PITPNC1: variants seen among roughly 807,000 people sequenced by gnomAD.
The protein encoded by PITPNC1 is phosphatidylinositol transfer protein cytoplasmic 1.
A neutral mutation model predicts 44.7 loss-of-function variants in PITPNC1; 18 were observed. The observed-to-expected ratio is 0.40, with a 90% CI of 0.28 to 0.60. The LOEUF is 0.60. Ranked by LOEUF, PITPNC1 falls within the 20% of genes least tolerant of loss-of-function variation. The pLI is 0.39. For synonymous variants in PITPNC1, 141 were observed against 149.6 expected (o/e 0.94, Z 0.42); for missense variants, 290 against 418.4 (o/e 0.69, Z 2.68).
At chr17:67,475,278 T>C (rs773565906) in intron 1 of PITPNC1, among the ~76,000 whole-genome samples, 18 of 152,200 alleles carry the variant, frequency 1.2e-4, no homozygotes, top group South Asian at 2.1e-4. Context: ...GTTATCACAG[T>C]TGGGGACACA....
intron 1 of PITPNC1, chr17:67,471,558 T>G: frequency 2.6e-6 from 1 of 383,548 alleles, no homozygotes; most frequent in Non-Finnish European, 5.0e-6. Flanking sequence ...CCACAATTAC[T>G]TTTGCACCAA....
chr17:67,459,134 T>TG (rs2039300110), intron 1 of PITPNC1, among the ~76,000 whole-genome samples: 1 of 144,638 alleles, frequency 6.9e-6, no homozygotes, highest in African/African-American at 2.6e-5. Flanking sequence ...TTTTTTTTTT[T>TG]GAGACTGAGT....
At chr17:67,457,040 A>C in intron 1 of PITPNC1, 1 of 151,800 alleles carries the variant, frequency 6.6e-6, no homozygotes, top group Non-Finnish European at 1.5e-5. Context: ...GGGTCTCACT[A>C]TGTTGGCCAG....
intron 1 of PITPNC1, among the ~76,000 whole-genome samples, chr17:67,419,499 A>G (rs1356974531): frequency 6.6e-6 from 1 of 152,108 alleles, no homozygotes; most frequent in Admixed American, 6.6e-5. Flanking sequence ...CGTCTTCCCT[A>G]CCTACTTGGG....
chr17:67,472,820 C>G (rs9902184), intron 1 of PITPNC1, among the ~76,000 whole-genome samples: 73,487 of 151,674 alleles, frequency 0.48, 19,771 homozygotes, highest in African/African-American at 0.72. Flanking sequence ...CTGCCTCCTA[C>G]AGGGAGGGGT....
chr17:67,499,202 C>A (rs372057697), intron 1 of PITPNC1, among the ~76,000 whole-genome samples: 1 of 151,190 alleles, frequency 6.6e-6, no homozygotes, highest in Non-Finnish European at 1.5e-5. Context: ...AATATCTATT[C>A]AAGTCCTTTG....
chr17:67,433,669 C>T (rs1044862091), intron 1 of PITPNC1, among the ~76,000 whole-genome samples: 6 of 152,040 alleles, frequency 3.9e-5, no homozygotes, highest in Non-Finnish European at 5.9e-5. Context: ...TATGATTGTG[C>T]CACTGTGCTA....
intron 8 of PITPNC1, among the ~76,000 whole-genome samples, chr17:67,682,900 G>A (rs936470810): frequency 2.6e-5 from 4 of 152,078 alleles, no homozygotes; most frequent in Non-Finnish European, 4.4e-5. Flanking sequence ...GGTGGCTCAC[G>A]CCTGTAATCC....
chr17:67,403,959 T>C (rs758797182), intron 1 of PITPNC1, among the ~76,000 whole-genome samples: 1 of 152,050 alleles, frequency 6.6e-6, no homozygotes, highest in Non-Finnish European at 1.5e-5. Flanking sequence ...GAGGTGGAGG[T>C]TGCAGTGAGC....
intron 5 of PITPNC1, among the ~76,000 whole-genome samples, chr17:67,615,786 C>T (rs149923349): frequency 1.2e-3 from 177 of 152,232 alleles, no homozygotes; most frequent in African/African-American, 4.1e-3. Context: ...TTTTTAAGCT[C>T]AGCTTCTGAG....
At chr17:67,604,850 C>A (rs867198948) in intron 5 of PITPNC1, among the ~76,000 whole-genome samples, 2 of 152,004 alleles carry the variant, frequency 1.3e-5, no homozygotes, top group Non-Finnish European at 2.9e-5. Flanking sequence ...GAGGCTGAGG[C>A]GGACGGATCA....
At chr17:67,512,137 T>C (rs1284498280) in intron 1 of PITPNC1, among the ~76,000 whole-genome samples, 3 of 152,180 alleles carry the variant, frequency 2.0e-5, no homozygotes, top group Non-Finnish European at 2.9e-5. Context: ...AAGATCCACG[T>C]TGACTCCCAA....
chr17:67,380,404 A>G (rs1464808353), intron 1 of PITPNC1, among the ~76,000 whole-genome samples: 1 of 152,138 alleles, frequency 6.6e-6, no homozygotes, highest in African/African-American at 2.4e-5. Flanking sequence ...GGCCAACAAA[A>G]TCAGACTCAT....
intron 1 of PITPNC1, among the ~76,000 whole-genome samples, chr17:67,529,391 G>A (rs138172619): frequency 4.1e-3 from 630 of 152,330 alleles, no homozygotes; most frequent in Non-Finnish European, 6.6e-3. Flanking sequence ...CCTTACCGAG[G>A]TCCTGGGCAG....
At chr17:67,520,762 G>A (rs2949927) in intron 1 of PITPNC1, among the ~76,000 whole-genome samples, 3,547 of 152,264 alleles carry the variant, frequency 0.023, 49 homozygotes, top group Non-Finnish European at 0.035. Flanking sequence ...TTCGAGTTGA[G>A]TTCTGGCAGT....
intron 1 of PITPNC1, among the ~76,000 whole-genome samples, chr17:67,422,177 G>GTTT (rs2038680382): frequency 1.3e-5 from 2 of 152,156 alleles, no homozygotes; most frequent in African/African-American, 4.8e-5. Context: ...GAGGGGCAGA[G>GTTT]GGAAAAACAA....
Position 67,589,997 on chromosome 17 carries a change from G to GAAA in PITPNC1, c.366+11746_366+11748dup, listed in dbSNP as rs200306467. Among the ~76,000 whole-genome samples, 5 of 151,366 alleles carry GAAA rather than the reference G, an allele frequency of 3.3e-5. No individual in the cohort carries two copies. The East Asian group carries it at 9.7e-4, about 29-fold the overall frequency. ...GGAAAGGAAAGGAAAGGAAGAACAG[G>GAAA]AAAAAAAAGACATGCAGAGAGGACA... is the stretch of plus-strand genomic sequence containing the variant. On this transcript the variant is annotated intron_variant, in intron 5 of 8. Coordinates refer to ENST00000581322, the MANE Select transcript of PITPNC1 (RefSeq NM_012417.4).
intron 4 of PITPNC1, among the ~76,000 whole-genome samples, chr17:67,557,774 C>T (rs1166021814): frequency 6.6e-6 from 1 of 152,236 alleles, no homozygotes; most frequent in Non-Finnish European, 1.5e-5. Flanking sequence ...CAGATGCTTT[C>T]AGTTGCCTTA....
At chr17:67,675,617 C>G in intron 8 of PITPNC1, 75 bp downstream of exon 8, 1 of 981,530 alleles carries the variant, frequency 1.0e-6, no homozygotes, top group Non-Finnish European at 1.7e-6. Flanking sequence ...TTGGCTTCAA[C>G]TGCTACCTAG....
Sources: allele counts gnomAD v4.1 joint callset (sites outside exome capture counted in the v4.1 genomes callset), GRCh38; gene constraint gnomAD v4.1.1; transcripts MANE v1.5; gene names NCBI Gene and HGNC (gene_info 2026-07-23, HGNC 2026-07-21).